CPQ: variants seen among roughly 807,000 people sequenced by gnomAD.
The protein encoded by CPQ is carboxypeptidase Q.
Under a neutral mutation model 45.7 loss-of-function variants are expected in CPQ, and 37 were observed. The observed-to-expected ratio is 0.81, with a 90% CI of 0.62 to 1.07. The LOEUF is 1.07. Among genes scored for constraint, CPQ ranks in the 50% least tolerant of loss-of-function variants. CPQ has a pLI of 0.00. For synonymous variants in CPQ, 186 were observed against 205.8 expected (o/e 0.90, Z 0.82); for missense variants, 537 against 572.9 (o/e 0.94, Z 0.64).
At chr8:97,108,025 TG>T (rs1329361579) in intron 7 of CPQ, among the ~76,000 whole-genome samples, 1 of 152,206 alleles carries the variant, frequency 6.6e-6, no homozygotes. Context: ...GATGTGGTGG[TG>T]GGACGATGTG....
At chr8:96,833,202 G>C (rs1369648430) in intron 2 of CPQ, among the ~76,000 whole-genome samples, 2 of 152,100 alleles carry the variant, frequency 1.3e-5, no homozygotes, top group African/African-American at 4.8e-5. Flanking sequence ...ACAGTGATAG[G>C]TTTTGACCTG....
At chr8:96,693,117 G>T (rs1809325048) in intron 1 of CPQ, among the ~76,000 whole-genome samples, 1 of 152,006 alleles carries the variant, frequency 6.6e-6, no homozygotes, top group Non-Finnish European at 1.5e-5. Flanking sequence ...TGAGCTTGAA[G>T]ACAGGCATTT....
chr8:96,826,071 T>C (rs1484951584), intron 2 of CPQ, among the ~76,000 whole-genome samples: 2 of 152,042 alleles, frequency 1.3e-5, no homozygotes, highest in South Asian at 2.1e-4. Context: ...GAAATGACAT[T>C]GGGTGGGTTA....
chr8:96,919,994 G>A (rs1462938044), intron 4 of CPQ, among the ~76,000 whole-genome samples: 1 of 151,934 alleles, frequency 6.6e-6, no homozygotes, highest in African/African-American at 2.4e-5. Context: ...GTTAAAATTG[G>A]GATAATAGCA....
rs201961988 is a variant in CPQ, at chr8:96,742,638, A to G, written c.-34-42226A>G. On this transcript the variant is annotated intron_variant, in intron 1 of 7. Transcript: ENST00000220763. ...CCGGTTGTTCCTTTCCATATTTAGC[A>G]CTTCCTTCAGGAGCTCTTTTAGGGC... Among the ~76,000 whole-genome samples the G allele has an allele frequency of 3.7e-3, 553 of 151,120 alleles. 1 individual carries two copies. Among genetic ancestry groups the G allele is most frequent in the Non-Finnish European group, 6.2e-3 (418 of 67,650 alleles).
Position 96,863,973 on chromosome 8 carries a change from G to A in CPQ, c.642-15825G>A, listed in dbSNP as rs183380199. On this transcript the variant is annotated intron_variant, in intron 3 of 7. Transcript: ENST00000220763. The stretch of plus-strand genomic sequence containing the variant: ...CAAATTAGATCTGACATATTTTAAT[G>A]GTATGTATAATTATTATTGGTCTTT... Among the ~76,000 whole-genome samples the A allele has an allele frequency of 2.3e-3, 343 of 152,082 alleles. 2 individuals carry two copies. Among genetic ancestry groups the A allele is most frequent in the African/African-American group, 7.7e-3 (321 of 41,504 alleles).
chr8:96,887,975 C>T (rs1371497492), intron 4 of CPQ, among the ~76,000 whole-genome samples: 2 of 152,164 alleles, frequency 1.3e-5, no homozygotes, highest in African/African-American at 4.8e-5. Context: ...AATGAAAACT[C>T]TAGTTTGTTA....
At chr8:96,985,090 TC>T (rs1385017797) in intron 5 of CPQ, among the ~76,000 whole-genome samples, 5 of 152,180 alleles carry the variant, frequency 3.3e-5, no homozygotes, top group African/African-American at 1.2e-4. Flanking sequence ...GTTATTTTTT[TC>T]CCAGAATTTG....
At chr8:96,769,549 C>T (rs1810512969) in intron 1 of CPQ, among the ~76,000 whole-genome samples, 2 of 151,256 alleles carry the variant, frequency 1.3e-5, no homozygotes, top group Non-Finnish European at 2.9e-5. Flanking sequence ...CTTACATCCT[C>T]TTTGGATTTC....
At chr8:97,098,799 T>C (rs571423816) in intron 7 of CPQ, among the ~76,000 whole-genome samples, 4 of 152,198 alleles carry the variant, frequency 2.6e-5, no homozygotes, top group Non-Finnish European at 4.4e-5. Context: ...ATTTATTCAA[T>C]TGGGTCCTGG....
chr8:96,936,958 T>TTTCC (rs1011804431), intron 4 of CPQ, among the ~76,000 whole-genome samples: 17 of 152,084 alleles, frequency 1.1e-4, no homozygotes, highest in African/African-American at 3.1e-4. Context: ...ATGTGATATC[T>TTTCC]TTCCTTCCTT....
At chr8:96,834,897 ATG>A in intron 2 of CPQ, 74 bp from the exon 3 acceptor site, 1 of 1,276,556 alleles carries the variant, frequency 7.8e-7, no homozygotes, top group Non-Finnish European at 1.1e-6. Flanking sequence ...AAGAGCATGT[ATG>A]TGACCTTTCC....
intron 1 of CPQ, among the ~76,000 whole-genome samples, chr8:96,653,303 C>T (rs890979736): frequency 6.6e-6 from 1 of 152,004 alleles, no homozygotes; most frequent in African/African-American, 2.4e-5. Context: ...TTTTGATTTG[C>T]ATTTCTTTGA....
intron 1 of CPQ, among the ~76,000 whole-genome samples, chr8:96,668,275 G>C (rs1054370961): frequency 1.3e-5 from 2 of 152,162 alleles, no homozygotes; most frequent in Admixed American, 1.3e-4. Context: ...GCCCCACACT[G>C]TGCAAGTTAC....
At chr8:96,863,595 G>T (rs1811959939) in intron 3 of CPQ, among the ~76,000 whole-genome samples, 1 of 152,100 alleles carries the variant, frequency 6.6e-6, no homozygotes, top group East Asian at 1.9e-4. Flanking sequence ...AGAGGAAAAG[G>T]ATTCCTAGGT....
intron 6 of CPQ, among the ~76,000 whole-genome samples, chr8:97,043,333 T>G (rs971293552): frequency 6.6e-5 from 10 of 151,418 alleles, no homozygotes; most frequent in Admixed American, 3.9e-4. Context: ...GTTTTCCATT[T>G]GCTTGGTAGA....
chr8:97,008,314 A>C (rs1016229883), intron 5 of CPQ, among the ~76,000 whole-genome samples: 1 of 152,228 alleles, frequency 6.6e-6, no homozygotes, highest in Non-Finnish European at 1.5e-5. Flanking sequence ...TTGATGGCTC[A>C]GTATTCTCTG....
intron 1 of CPQ, among the ~76,000 whole-genome samples, chr8:96,663,563 C>T (rs1203496369): frequency 6.6e-6 from 1 of 152,222 alleles, no homozygotes; most frequent in Non-Finnish European, 1.5e-5. Context: ...GCTGTGAGCA[C>T]TTTTCAAACC....
chr8:96,875,958 CTTTAA>C (rs1478817118), intron 3 of CPQ, among the ~76,000 whole-genome samples: 1 of 151,682 alleles, frequency 6.6e-6, no homozygotes, highest in Non-Finnish European at 1.5e-5. Context: ...TTATTTAGAT[CTTTAA>C]TTTATTTTAA....
Sources: gnomAD v4.1 joint callset for allele counts (sites outside exome capture counted in the v4.1 genomes callset) on GRCh38, gnomAD v4.1.1 for gene constraint, MANE v1.5 for transcripts, NCBI Gene and HGNC (gene_info 2026-07-23, HGNC 2026-07-21) for gene names.